The following ADD1 variants were observed in gnomAD, a reference collection of about 807,000 sequenced individuals.
ADD1 encodes the protein alpha-adducin.
ADD1 carries 24 observed loss-of-function variants against 80.5 expected under a neutral mutation model. The observed-to-expected ratio is 0.30, with a 90% CI of 0.22 to 0.42. ADD1 has a LOEUF of 0.42. Ranked by LOEUF, ADD1 falls within the 10% of genes least tolerant of loss-of-function variation. ADD1 has a pLI of 1.00. For missense variants in ADD1, 948 were observed against 1,019.0 expected (o/e 0.93, Z 0.95); for synonymous variants, 373 against 393.8 (o/e 0.95, Z 0.63).
At chr4:2,856,007 T>C (rs1446868199) in intron 1 of ADD1, among the ~76,000 whole-genome samples, 4 of 145,114 alleles carry the variant, frequency 2.8e-5, no homozygotes, top group Non-Finnish European at 6.0e-5. Context: ...TGGTGGTGCA[T>C]GCCTGTAGTC....
At chr4:2,916,265 A>G (rs1477708796) in intron 14 of ADD1, among the ~76,000 whole-genome samples, 1 of 151,362 alleles carries the variant, frequency 6.6e-6, no homozygotes, top group Non-Finnish European at 1.5e-5. Flanking sequence ...GCACGATCTC[A>G]GCTCACTGCA....
In ADD1 at chr4:2,881,898, G is replaced by A; in HGVS notation, c.196G>A (p.Ala66Thr). The A allele has an allele frequency of 1.3e-6, 2 of 1,590,110 alleles. No homozygotes were observed. Among genetic ancestry groups the A allele is most frequent in the Non-Finnish European group, 1.7e-6 (2 of 1,172,310 alleles). ...TCAGTGTTTTAATATTTTTTATTAG[G>A]CTTTCTGTGAAGAATTGGAATCAAT... Reference protein sequence around the residue: ...KRVSMILQSPAFCEELESMIQ... With the variant: ...KRVSMILQSPTFCEELESMIQ... Residue 66 changes from alanine to threonine, a missense_variant and splice_region_variant, in exon 3 of 16, where the codon GCT (alanine) becomes ACT (threonine). Ala to Thr is a moderately conservative substitution (Grantham distance 58, BLOSUM62 0). Transcript: ENST00000683351.
chr4:2,905,264 C>T (rs187100658), intron 10 of ADD1, 156 bp downstream of exon 10: 3 of 664,154 alleles, frequency 4.5e-6, no homozygotes, highest in Admixed American at 2.9e-5. Context: ...CCACTGAATG[C>T]ATTACTAAAA....
chr4:2,919,091 A>G (rs1739571349), intron 14 of ADD1, among the ~76,000 whole-genome samples: 1 of 152,080 alleles, frequency 6.6e-6, no homozygotes, highest in Admixed American at 6.6e-5. Flanking sequence ...CACCTGCCTC[A>G]GCCTCCCAAA....
intron 2 of ADD1, 175 bp downstream of exon 2, chr4:2,876,285 A>T: frequency 2.0e-6 from 1 of 510,696 alleles, no homozygotes; most frequent in Non-Finnish European, 3.3e-6. Flanking sequence ...GTTATCAGAC[A>T]TCATAAATGA....
intron 4 of ADD1, among the ~76,000 whole-genome samples, chr4:2,893,612 CAA>C (rs201849177): frequency 3.1e-5 from 4 of 128,014 alleles, no homozygotes; most frequent in Non-Finnish European, 5.1e-5. Flanking sequence ...GACCCTGTCT[CAA>C]AAAAAAAAAA....
intron 1 of ADD1, among the ~76,000 whole-genome samples, chr4:2,871,261 G>A (rs1428010794): frequency 1.3e-5 from 2 of 152,030 alleles, no homozygotes; most frequent in Non-Finnish European, 1.5e-5. Context: ...GTGAGCCACC[G>A]TGCCTGGCCA....
chr4:2,860,216 G>A (rs1728653123), intron 1 of ADD1, among the ~76,000 whole-genome samples: 1 of 152,094 alleles, frequency 6.6e-6, no homozygotes, highest in Non-Finnish European at 1.5e-5. Context: ...GGAGTTGTTT[G>A]TGTGAGCTTT....
In ADD1 at chr4:2,911,916, C is replaced by T. The variant is rs192185546; in HGVS notation, c.1791+2485C>T. On this transcript the variant is annotated intron_variant, in intron 13 of 15. Transcript: ENST00000683351. ...AGGGGCTGTGTTCTCCAACACCCTT[C>T]ATGCTGTGTGGTAGAAATGCAGAGG... Among the ~76,000 whole-genome samples, 406 of 152,342 alleles carry T rather than the reference C, an allele frequency of 2.7e-3. 2 individuals are homozygous for T. Among genetic ancestry groups the T allele is most frequent in the Admixed American group, 4.4e-3 (68 of 15,304 alleles).
chr4:2,855,907 T>G (rs1727985572), intron 1 of ADD1, among the ~76,000 whole-genome samples: 1 of 151,958 alleles, frequency 6.6e-6, no homozygotes, highest in Admixed American at 6.6e-5. Context: ...TGCCATGTTG[T>G]GTAGGCTAGT....
chr4:2,911,846 A>G (rs534510679), intron 13 of ADD1, among the ~76,000 whole-genome samples: 7 of 152,322 alleles, frequency 4.6e-5, no homozygotes, highest in East Asian at 1.9e-4. Flanking sequence ...ACTGCAAGCT[A>G]TTCAGCCCAG....
At chr4:2,883,264 C>T (rs1229819583) in intron 3 of ADD1, among the ~76,000 whole-genome samples, 1 of 151,912 alleles carries the variant, frequency 6.6e-6, no homozygotes, top group Non-Finnish European at 1.5e-5. Flanking sequence ...AGGCAGGATC[C>T]CTTTCCGAAA....
rs1711578827 is a variant in ADD1, at chr4:2,926,221, T to A, written c.2047+109T>A. On this transcript the variant is annotated intron_variant, in intron 15 of 15. Coordinates refer to ENST00000683351, the MANE Select transcript of ADD1 (RefSeq NM_001354761.2). This position sits in a 1 kb window ranked among gnomAD's most constrained non-coding sequence, Gnocchi z 5.0. ...TAACAGCAACACGGAAGTGTGTGCT[T>A]GCATCAGCGCCAGGACGTGACACCT... The A allele has an allele frequency of 3.1e-6, 3 of 973,514 alleles. No individual in the cohort carries two copies. The highest frequency in any genetic ancestry group is 4.9e-6 in the Non-Finnish European group (3 of 612,354). The allele number at this position is 973,514 out of a possible 1,614,324, so 60.3% of individuals were successfully genotyped here.
At chr4:2,921,093 G>A (rs1201967121) in intron 14 of ADD1, among the ~76,000 whole-genome samples, 1 of 152,116 alleles carries the variant, frequency 6.6e-6, no homozygotes, top group Non-Finnish European at 1.5e-5. Context: ...CTTCACTTAC[G>A]AAGCTTAGTT....
At chr4:2,916,993 CAT>C (rs1302761402) in intron 14 of ADD1, among the ~76,000 whole-genome samples, 1 of 152,178 alleles carries the variant, frequency 6.6e-6, no homozygotes, top group East Asian at 1.9e-4. Flanking sequence ...GTGCAGTACA[CAT>C]ATGTGTGCAT....
chr4:2,877,043 A>G (rs908499103), intron 2 of ADD1, among the ~76,000 whole-genome samples: 7 of 150,914 alleles, frequency 4.6e-5, no homozygotes, highest in African/African-American at 1.7e-4. Flanking sequence ...TCCTGGGTGT[A>G]TGGTCAGCCT....
At chr4:2,893,867 C>T in intron 4 of ADD1, 146 bp from the exon 5 acceptor site, 1 of 661,674 alleles carries the variant, frequency 1.5e-6, no homozygotes, top group Admixed American at 2.4e-5. Context: ...TTCCAGTACC[C>T]CTTGGCTTCG....
intron 4 of ADD1, among the ~76,000 whole-genome samples, chr4:2,892,618 T>A (rs1035856711): frequency 2.6e-5 from 4 of 152,026 alleles, no homozygotes; most frequent in African/African-American, 9.7e-5. Flanking sequence ...TTGCTTGAGT[T>A]CAGGAGTTCA....
chr4:2,917,275 C>T (rs1004868415), intron 14 of ADD1, among the ~76,000 whole-genome samples: 4 of 152,160 alleles, frequency 2.6e-5, no homozygotes, highest in Non-Finnish European at 4.4e-5. Flanking sequence ...TTGCATTTCT[C>T]TAATGACCAG....
Sources: gnomAD v4.1 joint callset for allele counts (sites outside exome capture counted in the v4.1 genomes callset) on GRCh38, gnomAD v4.1.1 for gene constraint, Gnocchi (gnomAD v3.1) non-coding constraint, MANE v1.5 for transcripts, NCBI Gene and HGNC (gene_info 2026-07-23, HGNC 2026-07-21) for gene names.